ZNF407: variants seen among roughly 807,000 people sequenced by gnomAD.
ZNF407 encodes zinc finger protein 407.
A neutral mutation model predicts 131.2 loss-of-function variants in ZNF407; 17 were observed. The observed-to-expected ratio is 0.13, with a 90% confidence interval of 0.09 to 0.19. The LOEUF is 0.19. Ranked by LOEUF, ZNF407 falls within the 10% of genes least tolerant of loss-of-function variation. ZNF407 has a pLI of 1.00. For missense variants in ZNF407, 2,681 were observed against 2,830.6 expected, an observed-to-expected ratio of 0.95 and a Z score of 1.20; for synonymous variants, 1,156 against 1,062.0, an observed-to-expected ratio of 1.09 and a Z score of -1.72.
intron 3 of ZNF407, among the ~76,000 whole-genome samples, chr18:74,677,414 T>C (rs2144768251): frequency 6.6e-6 from 1 of 152,300 alleles, no homozygotes; most frequent in East Asian, 1.9e-4. Flanking sequence ...TTCTAAATCT[T>C]TGAGGTATTT....
intron 8 of ZNF407, among the ~76,000 whole-genome samples, chr18:75,018,654 G>GA (rs1180815596): frequency 6.6e-6 from 1 of 151,950 alleles, no homozygotes; most frequent in South Asian, 2.1e-4. Flanking sequence ...TACAAATCAA[G>GA]AAAAAATCTG....
At chr18:74,729,532 G>C (rs537407446) in intron 3 of ZNF407, among the ~76,000 whole-genome samples, 2 of 151,888 alleles carry the variant, frequency 1.3e-5, no homozygotes, top group Non-Finnish European at 2.9e-5. Context: ...ATGTTCGTTG[G>C]TTCCCTCATT....
chr18:74,755,581 GGTTT>G (rs1968917151), intron 3 of ZNF407, among the ~76,000 whole-genome samples: 1 of 31,038 alleles, frequency 3.2e-5, no homozygotes, highest in Non-Finnish European at 9.6e-5. Flanking sequence ...CCTCCTTTCT[GGTTT>G]TTTTTTTTTT....
intron 8 of ZNF407, among the ~76,000 whole-genome samples, chr18:75,053,695 A>G (rs963953139): frequency 6.6e-6 from 1 of 152,224 alleles, no homozygotes; most frequent in African/African-American, 2.4e-5. Context: ...TTAGGAAGAA[A>G]ATGCGTTATC....
At chr18:74,975,483 C>T (rs867990714) in intron 8 of ZNF407, among the ~76,000 whole-genome samples, 7 of 151,844 alleles carry the variant, frequency 4.6e-5, no homozygotes, top group African/African-American at 1.4e-4. Flanking sequence ...GTTGTTTGAT[C>T]GAAATTCTAC....
chr18:74,624,369 GAACTAAA>G (rs1983696907), intron 1 of ZNF407, among the ~76,000 whole-genome samples: 1 of 152,098 alleles, frequency 6.6e-6, no homozygotes, highest in African/African-American at 2.4e-5. Context: ...CTTTCCCAGT[GAACTAAA>G]AACAACTTTT....
intron 8 of ZNF407, among the ~76,000 whole-genome samples, chr18:75,033,245 C>T (rs1054773226): frequency 1.6e-5 from 2 of 128,822 alleles, no homozygotes; most frequent in Admixed American, 9.3e-5. Flanking sequence ...TGAGAGTGCT[C>T]GGAATGGGGG....
intron 3 of ZNF407, among the ~76,000 whole-genome samples, chr18:74,762,928 G>A (rs1969129560): frequency 6.6e-6 from 1 of 151,922 alleles, no homozygotes; most frequent in Admixed American, 6.6e-5. Context: ...GTTTTGTATG[G>A]CCATAGCCCT....
intron 6 of ZNF407, among the ~76,000 whole-genome samples, chr18:74,888,931 A>G (rs537013818): frequency 6.6e-6 from 1 of 152,342 alleles, no homozygotes; most frequent in East Asian, 1.9e-4. Context: ...ACACACACAC[A>G]TAGGCAGGCA....
intron 8 of ZNF407, among the ~76,000 whole-genome samples, chr18:74,990,917 A>G (rs933738753): frequency 6.6e-6 from 1 of 152,158 alleles, no homozygotes; most frequent in African/African-American, 2.4e-5. Context: ...CTTGTCTTCA[A>G]GACACAGATG....
At chr18:74,673,077 A>G (rs1157332670) in intron 3 of ZNF407, among the ~76,000 whole-genome samples, 4 of 152,166 alleles carry the variant, frequency 2.6e-5, no homozygotes, top group Admixed American at 2.0e-4. Flanking sequence ...AAATTATCCC[A>G]TTTAAATTAT....
intron 7 of ZNF407, among the ~76,000 whole-genome samples, chr18:74,909,032 C>T (rs1971633228): frequency 7.9e-6 from 1 of 126,172 alleles, no homozygotes; most frequent in Non-Finnish European, 1.7e-5. Context: ...GTAGAAACCC[C>T]CTTTCAACCA....
chr18:74,957,981 G>A (rs9960454), intron 8 of ZNF407, among the ~76,000 whole-genome samples: 71,877 of 151,934 alleles, frequency 0.47, 17,767 homozygotes, highest in African/African-American at 0.6. Context: ...TTTAAGATGA[G>A]CTGAAGCCAT....
intron 8 of ZNF407, among the ~76,000 whole-genome samples, chr18:74,978,504 C>T (rs1002481755): frequency 6.6e-6 from 1 of 152,000 alleles, no homozygotes; most frequent in Non-Finnish European, 1.5e-5. Flanking sequence ...TGATTGTGAA[C>T]ATTTTTAGAG....
chr18:75,063,047 G>A lies in ZNF407; in HGVS notation c.5429-103G>A, dbSNP rs572270651. On this transcript the variant is annotated intron_variant, in intron 8 of 8. Coordinates refer to ENST00000299687, the MANE Select transcript of ZNF407 (RefSeq NM_017757.3). The surrounding 1 kb of genome is among the most constrained non-coding windows in gnomAD (Gnocchi z 6.6). ...TCTTCAGGGTTTGGAATAGGGGGTC[G>A]TGGTGACTCTGCTGAGGCCTGAGCG... is the stretch of plus-strand genomic sequence containing the variant. The A allele has an allele frequency of 2.0e-4, 217 of 1,085,884 alleles. No individual in the cohort carries two copies. The highest frequency in any genetic ancestry group is 1.0e-3 in the African/African-American group (64 of 63,518). 67.3% of individuals were successfully genotyped at this position (1,085,884 alleles called of 1,614,324 possible). A position where few individuals can be genotyped will look rare whatever the true frequency, so the allele number is the denominator to read the frequency against.
intron 8 of ZNF407, among the ~76,000 whole-genome samples, chr18:74,977,916 AC>A (rs913934614): frequency 6.6e-6 from 1 of 152,186 alleles, no homozygotes; most frequent in Admixed American, 6.5e-5. Flanking sequence ...GATTTTTAGT[AC>A]TTTTCATGTA....
Position 74,890,292 on chromosome 18 carries a change from T to C in ZNF407, c.5249+254T>C, listed in dbSNP as rs543580891. Among the ~76,000 whole-genome samples the C allele has an allele frequency of 2.6e-5, 4 of 152,174 alleles. No individual in the cohort carries two copies. In the East Asian group the frequency reaches 7.7e-4, roughly 29 times the overall value. On this transcript the variant is annotated intron_variant, in intron 7 of 8. Coordinates refer to ENST00000299687, the MANE Select transcript of ZNF407 (RefSeq NM_017757.3). ...CCCCACACGTGTAGAGCCTCTTTCG[T>C]TATCAACATTCCCCACCAGGTGGTC... is the stretch of plus-strand genomic sequence containing the variant.
At chr18:75,009,092 T>C (rs1021328711) in intron 8 of ZNF407, among the ~76,000 whole-genome samples, 4 of 152,232 alleles carry the variant, frequency 2.6e-5, no homozygotes. Flanking sequence ...TATTCCAGAA[T>C]ATACTTTCAG....
chr18:74,866,884 C>T (rs1407116206), intron 4 of ZNF407, among the ~76,000 whole-genome samples: 1 of 145,066 alleles, frequency 6.9e-6, no homozygotes, highest in Non-Finnish European at 1.5e-5. Flanking sequence ...GGCCTTGTGG[C>T]ATGTACCTGT....
Sources: gnomAD v4.1 joint callset for allele counts (sites outside exome capture counted in the v4.1 genomes callset) on GRCh38, gnomAD v4.1.1 for gene constraint, Gnocchi (gnomAD v3.1) non-coding constraint, MANE v1.5 for transcripts, NCBI Gene and HGNC (gene_info 2026-07-23, HGNC 2026-07-21) for gene names.